SEC14L1: variants seen among roughly 807,000 people sequenced by gnomAD.
SEC14L1 encodes the protein SEC14-like protein 1.
In SEC14L1, 48 loss-of-function variants were observed where a neutral mutation model predicts 85.3. The observed-to-expected ratio is 0.56, with a 90% CI of 0.45 to 0.72. The LOEUF is 0.72. SEC14L1 is among the 30% of genes least tolerant of loss of function. The pLI, the probability that SEC14L1 is intolerant of heterozygous loss-of-function variation, is 0.00. For missense variants in SEC14L1, 682 were observed against 921.4 expected (o/e 0.74, Z 3.36); for synonymous variants, 391 against 355.5 (o/e 1.10, Z -1.12).
At chr17:77,154,771 C>A (rs1291566413) in intron 3 of SEC14L1, among the ~76,000 whole-genome samples, 1 of 151,794 alleles carries the variant, frequency 6.6e-6, no homozygotes, top group Non-Finnish European at 1.5e-5. Context: ...TTTCAGTGAT[C>A]TGTACTGCCA....
At chr17:77,174,096 T>A (rs1484665171) in intron 3 of SEC14L1, among the ~76,000 whole-genome samples, 1 of 152,036 alleles carries the variant, frequency 6.6e-6, no homozygotes, top group Non-Finnish European at 1.5e-5. Context: ...TTTATTTATT[T>A]CCTTGGTAGA....
At chr17:77,111,329 G>C (rs550411529) in intron 3 of SEC14L1, among the ~76,000 whole-genome samples, 1 of 151,998 alleles carries the variant, frequency 6.6e-6, no homozygotes, top group Non-Finnish European at 1.5e-5. Flanking sequence ...CTAAAGACGT[G>C]GGATTGATAG....
intron 3 of SEC14L1, among the ~76,000 whole-genome samples, chr17:77,104,782 C>A (rs1971866801): frequency 7.9e-6 from 1 of 125,928 alleles, no homozygotes; most frequent in African/African-American, 3.0e-5. Context: ...CAGAGTGAGA[C>A]TCCATTTCAA....
chr17:77,195,485 ATTTT>A (rs1368372787), intron 7 of SEC14L1, among the ~76,000 whole-genome samples: 1 of 151,410 alleles, frequency 6.6e-6, no homozygotes, highest in Non-Finnish European at 1.5e-5. Flanking sequence ...CGCCTGACTA[ATTTT>A]TTTATTTTTT....
chr17:77,164,894 T>C (rs185943611), intron 3 of SEC14L1, among the ~76,000 whole-genome samples: 3 of 152,338 alleles, frequency 2.0e-5, no homozygotes, highest in African/African-American at 7.2e-5. Flanking sequence ...AACAGTCTCA[T>C]GTTTACATTT....
chr17:77,156,648 C>T (rs1209745226), intron 3 of SEC14L1, among the ~76,000 whole-genome samples: 1 of 149,468 alleles, frequency 6.7e-6, no homozygotes, highest in East Asian at 1.9e-4. Flanking sequence ...TGCATCACTT[C>T]TTCTCTGTCA....
intron 3 of SEC14L1, among the ~76,000 whole-genome samples, chr17:77,132,721 A>T (rs1417418036): frequency 6.6e-6 from 1 of 152,108 alleles, no homozygotes; most frequent in African/African-American, 2.4e-5. Context: ...ATTGAGCATT[A>T]TCTCTTGTTT....
In SEC14L1 at chr17:77,143,604, A is replaced by G; in HGVS notation, c.8A>G (p.Gln3Arg). Residue 3 changes from glutamine (Q) to arginine (R), a missense_variant, in exon 3 of 17, where the codon CAG becomes CGG. Gln to Arg is a conservative substitution (Grantham distance 43). This residue lies in a region of SEC14L1 where 139 missense variants were observed against 201.3 expected (regional missense o/e 0.69). Transcript: ENST00000436233. ...TGCTGTTGTATTGCAATCATGGTGC[A>G]GAAATACCAGTCCCCAGTGAGGGTG... MVQKYQSPVRVYK... is the reference protein window; with the variant it reads MVRKYQSPVRVYK... 1.2e-6 allele frequency: 2 copies of G among 1,613,430 alleles called. No individual in the cohort carries two copies. Among genetic ancestry groups the G allele is most frequent in the Non-Finnish European group, 1.7e-6 (2 of 1,179,488 alleles).
chr17:77,186,614 G>A (rs1975279409), intron 3 of SEC14L1, among the ~76,000 whole-genome samples: 1 of 152,228 alleles, frequency 6.6e-6, no homozygotes, highest in Non-Finnish European at 1.5e-5. Context: ...ACGTTGTGGA[G>A]AGAAAGTGAG....
chr17:77,160,682 G>T (rs1162931495), intron 3 of SEC14L1, among the ~76,000 whole-genome samples: 1 of 152,198 alleles, frequency 6.6e-6, no homozygotes, highest in South Asian at 2.1e-4. Context: ...TTTCTAACTA[G>T]TGTCTTTATA....
chr17:77,136,335 CCCTT>C (rs1254844415), upstream of SEC14L1, among the ~76,000 whole-genome samples: 10 of 138,406 alleles, frequency 7.2e-5, no homozygotes, highest in East Asian at 4.2e-4. Context: ...CCCCTTCCCT[CCCTT>C]CCTTCCTTTC....
chr17:77,179,799 C>G (rs575424248), intron 3 of SEC14L1, among the ~76,000 whole-genome samples: 2 of 151,772 alleles, frequency 1.3e-5, no homozygotes, highest in Non-Finnish European at 2.9e-5. Flanking sequence ...CTCAGCTTCC[C>G]GAGTAGCTGG....
intron 2 of SEC14L1, among the ~76,000 whole-genome samples, chr17:77,092,989 G>A (rs988642921): frequency 1.1e-4 from 17 of 151,772 alleles, no homozygotes; most frequent in Non-Finnish European, 2.2e-4. Flanking sequence ...GGAAAGATGA[G>A]GTTAGGAAGT....
At chr17:77,127,008 CTCT>C (rs1360535180) in intron 3 of SEC14L1, among the ~76,000 whole-genome samples, 2 of 143,406 alleles carry the variant, frequency 1.4e-5, no homozygotes, top group Non-Finnish European at 3.1e-5. Context: ...TTTTCTTTTT[CTCT>C]TTATTTCTTC....
chr17:77,155,019 G>A (rs1470389605), intron 3 of SEC14L1, among the ~76,000 whole-genome samples: 2 of 152,062 alleles, frequency 1.3e-5, no homozygotes, highest in Non-Finnish European at 2.9e-5. Flanking sequence ...GCATTTTCTG[G>A]CAATAATAGG....
intron 3 of SEC14L1, among the ~76,000 whole-genome samples, chr17:77,135,943 G>A (rs1331576492): frequency 1.3e-5 from 2 of 151,274 alleles, no homozygotes; most frequent in Non-Finnish European, 2.9e-5. Context: ...CACTATCTTG[G>A]CTCACTGCAA....
intron 6 of SEC14L1, 34 bp from the exon 7 acceptor site, chr17:77,194,643 A>G (rs777835532): frequency 1.3e-6 from 2 of 1,530,488 alleles, no homozygotes; most frequent in South Asian, 2.2e-5. Flanking sequence ...AATGTTGAAT[A>G]TATACTCACC....
At chr17:77,180,842 T>C (rs1039001575) in intron 3 of SEC14L1, among the ~76,000 whole-genome samples, 2 of 152,192 alleles carry the variant, frequency 1.3e-5, no homozygotes, top group East Asian at 3.9e-4. Flanking sequence ...ATAAATACCT[T>C]ATTAGGTATG....
intron 3 of SEC14L1, among the ~76,000 whole-genome samples, chr17:77,149,818 G>C (rs1272846403): frequency 6.6e-6 from 1 of 151,710 alleles, no homozygotes; most frequent in Non-Finnish European, 1.5e-5. Flanking sequence ...GGGTCACCTG[G>C]GAGCAAAGCC....
Sources: allele counts gnomAD v4.1 joint callset (sites outside exome capture counted in the v4.1 genomes callset), GRCh38; gene constraint gnomAD v4.1.1; regional missense constraint gnomAD v4.1.1; transcripts MANE v1.5; gene names NCBI Gene and HGNC (gene_info 2026-07-23, HGNC 2026-07-21).